The following MTA3 variants were observed in gnomAD, a reference collection of about 807,000 sequenced individuals.
MTA3 encodes the protein metastasis associated 1 family member 3.
In MTA3, 34 loss-of-function variants were observed where a neutral mutation model predicts 83.5. The observed-to-expected ratio is 0.41, with a 90% confidence interval of 0.31 to 0.54. The LOEUF (loss-of-function observed/expected upper bound fraction) is 0.54. Among genes scored for constraint, MTA3 ranks in the 20% least tolerant of loss-of-function variants. MTA3 has a pLI of 0.33. For missense variants in MTA3, 761 were observed against 726.4 expected (o/e 1.05, Z -0.55); for synonymous variants, 303 against 252.7 (o/e 1.20, Z -1.89).
At position 42,644,213 on chromosome 2, in the gene MTA3, T is replaced by C. The variant is rs2104314918; in HGVS notation, c.468T>C (p.Tyr156=). ...DKGEIRVGPR[Y]QADIPEMLLE... is the part of the protein sequence containing the mutation. ...GTGAAATCAGAGTGGGACCTAGATA[T>C]CAAGCAGACATTCCAGAAATGCTGT... Residue 156 remains tyrosine (Y), a synonymous_variant, in exon 6 of 17, where the codon TAT becomes TAC. Transcript: ENST00000405094. 4 of 1,612,868 alleles carry C rather than the reference T, an allele frequency of 2.5e-6. No homozygotes were observed. Among genetic ancestry groups the C allele is most frequent in the Non-Finnish European group, 3.4e-6 (4 of 1,179,372 alleles).
intron 8 of MTA3, among the ~76,000 whole-genome samples, chr2:42,669,377 G>C (rs745727086): frequency 9.2e-5 from 14 of 152,020 alleles, no homozygotes; most frequent in Non-Finnish European, 1.8e-4. Context: ...GAGCCACTGC[G>C]CCTGGCCAGA....
intron 9 of MTA3, among the ~76,000 whole-genome samples, chr2:42,682,970 G>A (rs949854395): frequency 1.3e-5 from 2 of 152,152 alleles, no homozygotes; most frequent in African/African-American, 4.8e-5. Context: ...TACTGAAGAG[G>A]CTGAGAAAGG....
At chr2:42,666,231 C>T (rs367770662) in intron 8 of MTA3, among the ~76,000 whole-genome samples, 10 of 152,042 alleles carry the variant, frequency 6.6e-5, no homozygotes, top group East Asian at 1.9e-4. Flanking sequence ...GAGCCGAGAT[C>T]GTGCCACTGC....
chr2:42,599,206 A>T (rs1055931532), intron 3 of MTA3, among the ~76,000 whole-genome samples: 1 of 152,182 alleles, frequency 6.6e-6, no homozygotes, highest in Non-Finnish European at 1.5e-5. Context: ...TGAGTCTTTA[A>T]AGCTGCACAT....
chr2:42,630,329 G>T (rs1331337678), intron 4 of MTA3, among the ~76,000 whole-genome samples: 3 of 152,182 alleles, frequency 2.0e-5, no homozygotes. Flanking sequence ...GACAGTTTCA[G>T]TGGAGGGGGA....
At chr2:42,694,093 G>C (rs1367860058) in intron 9 of MTA3, among the ~76,000 whole-genome samples, 1 of 151,852 alleles carries the variant, frequency 6.6e-6, no homozygotes, top group Non-Finnish European at 1.5e-5. Context: ...GACTCTGCCT[G>C]GTGCCCTGTC....
intron 14 of MTA3, among the ~76,000 whole-genome samples, chr2:42,717,127 G>GTTTTT (rs66521425): frequency 1.5e-5 from 1 of 64,928 alleles, no homozygotes; most frequent in Non-Finnish European, 2.9e-5. Context: ...TCAGAAAAGA[G>GTTTTT]TTTTTTTTTT....
chr2:42,703,951 A>G (rs1665835262), intron 11 of MTA3: 2 of 346,018 alleles, frequency 5.8e-6, no homozygotes, highest in African/African-American at 2.1e-5. Context: ...CAGAAAAGAG[A>G]TGGGACAGTA....
intron 4 of MTA3, among the ~76,000 whole-genome samples, chr2:42,626,899 C>T (rs1228657478): frequency 6.6e-6 from 1 of 151,838 alleles, no homozygotes; most frequent in African/African-American, 2.4e-5. Flanking sequence ...CCCCACCACA[C>T]CCAGCTAATT....
chr2:42,570,685 C>A (rs1354167053), intron 2 of MTA3, among the ~76,000 whole-genome samples, 181 bp downstream of exon 2: 2 of 151,852 alleles, frequency 1.3e-5, no homozygotes, highest in African/African-American at 4.8e-5. Context: ...ATAGTGAGAC[C>A]CTATCTCTTA....
intron 6 of MTA3, among the ~76,000 whole-genome samples, chr2:42,648,674 T>G (rs1019801302): frequency 6.6e-6 from 1 of 152,350 alleles, no homozygotes; most frequent in South Asian, 2.1e-4. Flanking sequence ...TAAAGGCGTC[T>G]TTTAGATTTT....
chr2:42,603,369 C>T (rs1682821290), intron 3 of MTA3, among the ~76,000 whole-genome samples: 1 of 152,052 alleles, frequency 6.6e-6, no homozygotes, highest in African/African-American at 2.4e-5. Context: ...GGTTCTGATT[C>T]TTTGTTTTAA....
At chr2:42,695,874 A>ATT in intron 10 of MTA3, 35 bp downstream of exon 10, 1 of 1,321,016 alleles carries the variant, frequency 7.6e-7, no homozygotes, top group Non-Finnish European at 1.0e-6. Context: ...ATATGGTTGC[A>ATT]TTTAAGTGAA....
At chr2:42,528,763 A>C (rs1271063748) in intron 2 of MTA3, among the ~76,000 whole-genome samples, 1 of 152,200 alleles carries the variant, frequency 6.6e-6, no homozygotes, top group African/African-American at 2.4e-5. Flanking sequence ...AGACAAATTA[A>C]ATTTAACAGA....
chr2:42,534,376 A>C (rs1055100401), intron 2 of MTA3, among the ~76,000 whole-genome samples: 2 of 152,180 alleles, frequency 1.3e-5, no homozygotes, highest in Non-Finnish European at 2.9e-5. Context: ...TGGGTGGATC[A>C]CCTGAGGTCA....
At chr2:42,592,255 C>CT (rs1324519888) in intron 3 of MTA3, among the ~76,000 whole-genome samples, 1 of 151,818 alleles carries the variant, frequency 6.6e-6, no homozygotes, top group East Asian at 1.9e-4. Flanking sequence ...GAGTGAGACT[C>CT]TATCTCAAAA....
At chr2:42,581,333 T>G (rs1472591390) in intron 3 of MTA3, among the ~76,000 whole-genome samples, 2 of 150,134 alleles carry the variant, frequency 1.3e-5, no homozygotes, top group Non-Finnish European at 2.9e-5. Flanking sequence ...ATTACAGGTG[T>G]GAGTCACCAT....
At chr2:42,724,066 C>G (rs1354124748) in intron 16 of MTA3, among the ~76,000 whole-genome samples, 1 of 152,060 alleles carries the variant, frequency 6.6e-6, no homozygotes, top group Non-Finnish European at 1.5e-5. Flanking sequence ...AGAACGTTGG[C>G]CATCCTTGAC....
At chr2:42,496,350 T>C (rs1674135546) in intron 2 of MTA3, among the ~76,000 whole-genome samples, 1 of 152,150 alleles carries the variant, frequency 6.6e-6, no homozygotes. Flanking sequence ...CCCAAATCGT[T>C]TTCTTAAACA....
Sources: allele counts gnomAD v4.1 joint callset (sites outside exome capture counted in the v4.1 genomes callset), GRCh38; gene constraint gnomAD v4.1.1; transcripts MANE v1.5; gene names NCBI Gene and HGNC (gene_info 2026-07-23, HGNC 2026-07-21).